CTNND2: variants seen among roughly 807,000 people sequenced by gnomAD.
The protein encoded by CTNND2 is catenin delta-2.
Under a neutral mutation model 144.4 loss-of-function variants are expected in CTNND2, and 22 were observed. The observed-to-expected ratio is 0.15, with a 90% confidence interval of 0.11 to 0.22. CTNND2 has a LOEUF of 0.22. Among genes scored for constraint, CTNND2 ranks in the 10% least tolerant of loss-of-function variants. CTNND2 has a pLI of 1.00. For missense variants in CTNND2, 1,353 were observed against 1,618.8 expected (o/e 0.84, Z 2.82); for synonymous variants, 751 against 695.6 (o/e 1.08, Z -1.25).
At chr5:11,234,597 G>A (rs957445905) in intron 10 of CTNND2, among the ~76,000 whole-genome samples, 3 of 152,150 alleles carry the variant, frequency 2.0e-5, no homozygotes, top group Admixed American at 1.3e-4. Context: ...TGATGTAGCC[G>A]GAAACAAGTC....
intron 12 of CTNND2, among the ~76,000 whole-genome samples, chr5:11,137,452 T>C (rs554981650): frequency 6.6e-6 from 1 of 152,226 alleles, no homozygotes; most frequent in Admixed American, 6.5e-5. Context: ...TTCCTTGTTT[T>C]TTCCTTGCTT....
intron 2 of CTNND2, among the ~76,000 whole-genome samples, chr5:11,607,731 T>C (rs947827362): frequency 1.3e-5 from 2 of 152,220 alleles, no homozygotes; most frequent in Non-Finnish European, 1.5e-5. Context: ...GACCTGTTAA[T>C]AATGTCAAAC....
At chr5:11,291,949 TA>T (rs897965980) in intron 9 of CTNND2, among the ~76,000 whole-genome samples, 36 of 149,302 alleles carry the variant, frequency 2.4e-4, no homozygotes, top group South Asian at 4.2e-4. Context: ...TCCCTAAATT[TA>T]AAAAAAAAAA....
chr5:11,534,812 C>T (rs1774065628), intron 3 of CTNND2, among the ~76,000 whole-genome samples: 1 of 152,114 alleles, frequency 6.6e-6, no homozygotes, highest in South Asian at 2.1e-4. Context: ...GTTAGTTTTT[C>T]CTCGAAGACT....
At chr5:11,091,889 C>G (rs1750810787) in intron 15 of CTNND2, among the ~76,000 whole-genome samples, 1 of 152,176 alleles carries the variant, frequency 6.6e-6, no homozygotes, top group South Asian at 2.1e-4. Flanking sequence ...GCTGAGAGTT[C>G]TCTGTTGAAT....
intron 1 of CTNND2, among the ~76,000 whole-genome samples, chr5:11,846,897 C>G (rs1794763278): frequency 6.6e-6 from 1 of 151,788 alleles, no homozygotes; most frequent in Non-Finnish European, 1.5e-5. Context: ...AATGAGGTAT[C>G]ACCTAACCCC....
rs111705164 is a variant in CTNND2 at position 11,831,459 on chromosome 5, G to T, written c.37+72358C>A. On this transcript the variant is annotated intron_variant, in intron 1 of 21. Transcript: ENST00000304623. ...TGAGCCGGGTAGATCACGAGGTCAG[G>T]AGATCGAGACCATCCTGGCTAACAC... is the stretch of plus-strand genomic sequence containing the variant. Among the ~76,000 whole-genome samples the T allele has an allele frequency of 2.9e-3, 437 of 152,106 alleles. 4 individuals carry two copies. Among genetic ancestry groups the T allele is most frequent in the African/African-American group, 9.7e-3 (402 of 41,476 alleles).
intron 12 of CTNND2, among the ~76,000 whole-genome samples, chr5:11,149,203 A>C (rs372363540): frequency 2.0e-4 from 31 of 152,312 alleles, no homozygotes; most frequent in Middle Eastern, 3.4e-3. Flanking sequence ...CATTTCCTCC[A>C]ACCACCTGAC....
chr5:11,688,248 C>T (rs1277335224), intron 2 of CTNND2, among the ~76,000 whole-genome samples: 96 of 152,052 alleles, frequency 6.3e-4, no homozygotes, highest in Non-Finnish European at 1.6e-4. Context: ...ACATCTGAAA[C>T]CTCTATTATG....
chr5:11,414,748 TC>T (rs1408124726), intron 3 of CTNND2, among the ~76,000 whole-genome samples: 1 of 152,188 alleles, frequency 6.6e-6, no homozygotes, highest in African/African-American at 2.4e-5. Flanking sequence ...CTCCACCTCC[TC>T]CCACCCTCCA....
chr5:11,483,756 T>C (rs1025626924), intron 3 of CTNND2, among the ~76,000 whole-genome samples: 1 of 152,174 alleles, frequency 6.6e-6, no homozygotes, highest in African/African-American at 2.4e-5. Flanking sequence ...GAATGATTTC[T>C]GGTACAGAAA....
intron 7 of CTNND2, among the ~76,000 whole-genome samples, chr5:11,381,981 AC>A (rs1283268409): frequency 4.4e-5 from 4 of 91,480 alleles, no homozygotes; most frequent in African/African-American, 1.1e-4. Context: ...AAACAAAAAA[AC>A]AAAACAAAAC....
chr5:11,502,235 T>A (rs112065798), intron 3 of CTNND2, among the ~76,000 whole-genome samples: 2 of 152,138 alleles, frequency 1.3e-5, no homozygotes, highest in African/African-American at 4.8e-5. Context: ...AAATTTGCTA[T>A]GAAGTCCAAG....
At chr5:11,749,496 C>T (rs1788491805) in intron 1 of CTNND2, among the ~76,000 whole-genome samples, 1 of 151,960 alleles carries the variant, frequency 6.6e-6, no homozygotes, top group Admixed American at 6.6e-5. Flanking sequence ...TGCATAGTCC[C>T]TCAGAGTTTA....
chr5:11,754,151 A>ACATTTTTT (rs1268080298), intron 1 of CTNND2, among the ~76,000 whole-genome samples: 1 of 150,238 alleles, frequency 6.7e-6, no homozygotes, highest in Non-Finnish European at 1.5e-5. Flanking sequence ...CCTTTGTGTA[A>ACATTTTTT]CATTTTTTTC....
intron 9 of CTNND2, among the ~76,000 whole-genome samples, chr5:11,260,341 A>C (rs1178226949): frequency 1.3e-5 from 2 of 152,208 alleles, no homozygotes; most frequent in Non-Finnish European, 2.9e-5. Context: ...AAATAACGAC[A>C]TATTTTAAAT....
chr5:11,098,606 G>C lies in CTNND2; in HGVS notation c.2606C>G (p.Ala869Gly). The stretch of plus-strand genomic sequence containing the variant: ...GCTCCCTGCAGCCAAGTTCTGCAGG[G>C]CGCCTGCCGCCCCTTCCAGCGTGTC... Reference protein sequence around the residue: ...NPDTLEGAAGALQNLAAGSWK... With the variant: ...NPDTLEGAAGGLQNLAAGSWK... Residue 869 changes from alanine to glycine, a missense_variant, in exon 15 of 22, where the codon GCC becomes GGC. Coordinates refer to ENST00000304623, the MANE Select transcript of CTNND2 (RefSeq NM_001332.4). The C allele has an allele frequency of 6.2e-7, 1 of 1,614,066 alleles. No individual in the cohort carries two copies. The highest frequency in any genetic ancestry group is 8.5e-7 in the Non-Finnish European group (1 of 1,179,994).
In CTNND2 at chr5:11,895,680, C is replaced by A. The variant is rs1582084125; in HGVS notation, c.37+8137G>T. Among the ~76,000 whole-genome samples, 3 of 151,856 alleles carry A rather than the reference C, an allele frequency of 2.0e-5. No individual in the cohort carries two copies. The South Asian group carries it at 6.3e-4, about 32-fold the overall frequency. The stretch of plus-strand genomic sequence containing the variant: ...AGAATTATGCTCCCAAAATAGGAAC[C>A]AATAAAATGATATATAAACTGTTAA... On this transcript the variant is annotated intron_variant, in intron 1 of 21. Transcript: ENST00000304623.
intron 13 of CTNND2, 79 bp from the exon 14 acceptor site, chr5:11,111,122 C>T (rs1752925195): frequency 1.4e-6 from 2 of 1,432,896 alleles, no homozygotes; most frequent in Non-Finnish European, 1.9e-6. Context: ...GGAAAGGCCT[C>T]TTTCTCCATG....
Sources: allele counts gnomAD v4.1 joint callset (sites outside exome capture counted in the v4.1 genomes callset), GRCh38; gene constraint gnomAD v4.1.1; transcripts MANE v1.5; gene names NCBI Gene and HGNC (gene_info 2026-07-23, HGNC 2026-07-21).